The following FRMPD1 variants were observed in gnomAD, a reference collection of about 807,000 sequenced individuals.
FRMPD1 encodes the protein FERM and PDZ domain-containing protein 1.
In FRMPD1, 76 loss-of-function variants were observed where a neutral mutation model predicts 117.8. The observed-to-expected ratio is 0.65, with a 90% CI of 0.54 to 0.78. The LOEUF (loss-of-function observed/expected upper bound fraction) is 0.78. FRMPD1 is among the 30% of genes least tolerant of loss of function. The probability of loss-of-function intolerance (pLI) is 0.00; values close to 1 mark genes in which losing one functional copy is unlikely to be tolerated. For missense variants in FRMPD1, 1,786 were observed against 1,964.5 expected (o/e 0.91, Z 1.72); for synonymous variants, 783 against 770.4 (o/e 1.02, Z -0.27).
At chr9:37,671,721 T>C (rs1220148650) in intron 1 of FRMPD1, among the ~76,000 whole-genome samples, 1 of 152,014 alleles carries the variant, frequency 6.6e-6, no homozygotes, top group Non-Finnish European at 1.5e-5. Context: ...ATCTCAGCAA[T>C]TTGGGAGGCC....
intron 13 of FRMPD1, among the ~76,000 whole-genome samples, chr9:37,736,663 C>A (rs916488760): frequency 3.3e-5 from 5 of 152,092 alleles, no homozygotes; most frequent in Non-Finnish European, 5.9e-5. Flanking sequence ...TTATCACCCT[C>A]TCCCTCATTC....
At chr9:37,669,287 C>T (rs10973476) in intron 1 of FRMPD1, among the ~76,000 whole-genome samples, 14,524 of 152,234 alleles carry the variant, frequency 0.095, 988 homozygotes, top group African/African-American at 0.19. Flanking sequence ...CCTTGACTTG[C>T]TTGATTCCTT....
At position 37,740,672 on chromosome 9, in the gene FRMPD1, C is replaced by G; in HGVS notation, c.2144C>G (p.Pro715Arg). The change falls in exon 15 of 16, where the codon CCG becomes CGG. Residue 715 changes from proline (P) to arginine (R), a missense_variant. Pro to Arg is a moderately radical substitution (Grantham distance 103). Coordinates refer to ENST00000377765, the MANE Select transcript of FRMPD1 (RefSeq NM_014907.3). This position sits in a 1 kb window ranked among gnomAD's most constrained non-coding sequence, Gnocchi z 4.2. ...DYYSLCSSVSPASYLSDSSES... is the reference protein window; with the variant it reads ...DYYSLCSSVSRASYLSDSSES... ...TACAGCCTGTGTTCCAGTGTCTCCC[C>G]GGCCAGCTACCTGAGTGACAGTTCC... 6.2e-7 allele frequency: 1 copy of G among 1,614,118 alleles called. No homozygotes were observed. Among genetic ancestry groups the G allele is most frequent in the Non-Finnish European group, 8.5e-7 (1 of 1,180,008 alleles).
chr9:37,746,674 G>A lies in FRMPD1; in HGVS notation c.4642G>A (p.Asp1548Asn), dbSNP rs146303578. The part of the protein sequence containing the change: ...AKSTCERGYH[D>N]LSVKLLARQC... ...ATCGACCTGCGAGAGAGGCTACCAC[G>A]ACCTGAGTGTGAAACTCCTGGCCCG... is the stretch of plus-strand genomic sequence containing the variant. The change falls in exon 16 of 16, where the codon GAC becomes AAC. Residue 1548 changes from aspartate (D) to asparagine (N), a missense_variant. Coordinates refer to ENST00000377765, the MANE Select transcript of FRMPD1 (RefSeq NM_014907.3). The A allele has an allele frequency of 7.2e-5, 117 of 1,613,922 alleles. No individual in the cohort carries two copies. Among genetic ancestry groups the A allele is most frequent in the Non-Finnish European group, 2.4e-5 (28 of 1,180,024 alleles).
intron 10 of FRMPD1, among the ~76,000 whole-genome samples, chr9:37,732,979 C>T (rs1823956584): frequency 6.6e-6 from 1 of 152,120 alleles, no homozygotes; most frequent in Non-Finnish European, 1.5e-5. Flanking sequence ...ACAGCATATC[C>T]TTGGCCCTAC....
intron 1 of FRMPD1, among the ~76,000 whole-genome samples, chr9:37,692,240 C>T (rs1337419513): frequency 6.6e-6 from 1 of 152,146 alleles, no homozygotes; most frequent in Admixed American, 6.5e-5. Context: ...CTTCCATGTC[C>T]ATGGGGTTCC....
Position 37,740,607 on chromosome 9 carries a change from G to C in FRMPD1, c.2079G>C (p.Arg693Ser), listed in dbSNP as rs938499087. Residue 693 changes from arginine to serine, a missense_variant, in exon 15 of 16, where the codon AGG becomes AGC. Physicochemically the swap from Arg to Ser is moderately radical, Grantham distance 110. Coordinates refer to ENST00000377765, the MANE Select transcript of FRMPD1 (RefSeq NM_014907.3). This position sits in a 1 kb window ranked among gnomAD's most constrained non-coding sequence, Gnocchi z 4.2. The part of the protein sequence containing the change: ...FGWAPELSTV[R>S]LDPRLYEGSH... ...GGGCACCAGAACTGAGCACAGTCAG[G>C]CTGGACCCCAGGCTGTATGAAGGCA... is the stretch of plus-strand genomic sequence containing the variant. The C allele has an allele frequency of 1.9e-6, 3 of 1,614,194 alleles. No individual in the cohort carries two copies. Among genetic ancestry groups the C allele is most frequent in the Non-Finnish European group, 2.5e-6 (3 of 1,180,004 alleles).
chr9:37,648,839 G>A (rs1274670842), upstream of FRMPD1, among the ~76,000 whole-genome samples: 2 of 152,184 alleles, frequency 1.3e-5, no homozygotes, highest in Non-Finnish European at 2.9e-5. Context: ...GCACCTGAGG[G>A]ACATTTAGGC....
intron 2 of FRMPD1, among the ~76,000 whole-genome samples, chr9:37,694,784 C>T (rs1198561589): frequency 6.6e-5 from 10 of 152,092 alleles, no homozygotes; most frequent in Non-Finnish European, 1.5e-4. Flanking sequence ...TGGCTTCTTT[C>T]GCTTAGCATA....
chr9:37,703,096 A>C (rs1340666088), intron 2 of FRMPD1, among the ~76,000 whole-genome samples: 1 of 152,200 alleles, frequency 6.6e-6, no homozygotes, highest in Non-Finnish European at 1.5e-5. Context: ...AGGATAAATA[A>C]TATGATATTT....
chr9:37,702,331 A>AT (rs1822562881), intron 2 of FRMPD1, among the ~76,000 whole-genome samples: 1 of 152,224 alleles, frequency 6.6e-6, no homozygotes, highest in Admixed American at 6.5e-5. Context: ...ACAATGTGAG[A>AT]AATACAGAGG....
chr9:37,655,385 A>T (rs1211036803), intron 1 of FRMPD1, among the ~76,000 whole-genome samples: 1 of 151,784 alleles, frequency 6.6e-6, no homozygotes, highest in Non-Finnish European at 1.5e-5. Flanking sequence ...AGAGCCTTTC[A>T]GTGGGTCTTC....
intron 1 of FRMPD1, among the ~76,000 whole-genome samples, chr9:37,653,555 TG>T (rs775494082): frequency 3.6e-4 from 54 of 152,108 alleles, no homozygotes; most frequent in Non-Finnish European, 7.1e-4. Context: ...TGTTAGGTGG[TG>T]GGAGGTCACA....
intron 1 of FRMPD1, among the ~76,000 whole-genome samples, chr9:37,689,026 C>G (rs73445128): frequency 6.6e-6 from 1 of 152,046 alleles, no homozygotes; most frequent in African/African-American, 2.4e-5. Flanking sequence ...CTGCCCCACT[C>G]CTCCTCACCC....
At chr9:37,673,352 A>G (rs760685398) in intron 1 of FRMPD1, among the ~76,000 whole-genome samples, 2 of 152,206 alleles carry the variant, frequency 1.3e-5, no homozygotes, top group Non-Finnish European at 2.9e-5. Flanking sequence ...AAGCTGATGC[A>G]AGAGGTGGGT....
intron 1 of FRMPD1, among the ~76,000 whole-genome samples, 158 bp from the exon 2 acceptor site, chr9:37,692,480 G>C (rs1261139878): frequency 6.6e-6 from 1 of 152,210 alleles, no homozygotes; most frequent in Non-Finnish European, 1.5e-5. Context: ...TGTGAACATT[G>C]AGCACCTGTT....
chr9:37,676,483 G>A (rs1389472675), intron 1 of FRMPD1, among the ~76,000 whole-genome samples: 1 of 152,014 alleles, frequency 6.6e-6, no homozygotes, highest in Non-Finnish European at 1.5e-5. Flanking sequence ...TGCGGTTTTC[G>A]GCGATCTCTG....
chr9:37,673,812 C>T (rs1471739276), intron 1 of FRMPD1, among the ~76,000 whole-genome samples: 1 of 152,250 alleles, frequency 6.6e-6, no homozygotes, highest in Non-Finnish European at 1.5e-5. Flanking sequence ...GTACATTGGC[C>T]CCTTTCAGCC....
At chr9:37,716,478 T>G (rs903812536) in intron 5 of FRMPD1, among the ~76,000 whole-genome samples, 5 of 152,226 alleles carry the variant, frequency 3.3e-5, no homozygotes, top group Non-Finnish European at 5.9e-5. Flanking sequence ...TCAGGGAACC[T>G]CCTCTTCCTA....
Sources: gnomAD v4.1 joint callset for allele counts (sites outside exome capture counted in the v4.1 genomes callset) on GRCh38, gnomAD v4.1.1 for gene constraint, Gnocchi (gnomAD v3.1) non-coding constraint, MANE v1.5 for transcripts, NCBI Gene and HGNC (gene_info 2026-07-23, HGNC 2026-07-21) for gene names.